The following STIMATE variants were observed in gnomAD, a reference collection of about 807,000 sequenced individuals.
STIMATE encodes the protein STIM activating enhancer.
A neutral mutation model predicts 36.7 loss-of-function variants in STIMATE; 15 were observed. The observed-to-expected ratio is 0.41, with a 90% CI of 0.27 to 0.63. The LOEUF is 0.63. Among genes scored for constraint, STIMATE ranks in the 20% least tolerant of loss-of-function variants. The probability of loss-of-function intolerance (pLI) is 0.32; values close to 1 mark genes in which losing one functional copy is unlikely to be tolerated. For synonymous variants in STIMATE, 163 were observed against 162.3 expected (o/e 1.00, Z -0.03); for missense variants, 305 against 397.3 (o/e 0.77, Z 1.98).
chr3:52,843,846 T>G (rs1578798437), intron 5 of STIMATE, 48 bp from the exon 6 acceptor site: 1 of 1,554,434 alleles, frequency 6.4e-7, no homozygotes, highest in Non-Finnish European at 8.8e-7. Context: ...CCACCGAGAG[T>G]GTGCCTGGGG....
chr3:52,854,979 C>T (rs1174428989), intron 2 of STIMATE, among the ~76,000 whole-genome samples: 3 of 152,168 alleles, frequency 2.0e-5, no homozygotes, highest in Non-Finnish European at 4.4e-5. Context: ...AAGAAAGACT[C>T]GTTTGGAGAG....
chr3:52,896,848 C>T (rs1409827073), intron 1 of STIMATE, among the ~76,000 whole-genome samples: 1 of 152,100 alleles, frequency 6.6e-6, no homozygotes, highest in African/African-American at 2.4e-5. Flanking sequence ...TAAATGTGAA[C>T]GGAGAAGGCA....
At chr3:52,860,126 TAAAA>T in intron 1 of STIMATE, among the ~76,000 whole-genome samples, 1 of 135,456 alleles carries the variant, frequency 7.4e-6, no homozygotes, top group African/African-American at 2.8e-5. Flanking sequence ...GTAAAGGGGG[TAAAA>T]AAAAAAAAAC....
At chr3:52,882,397 A>G (rs1011000895) in intron 1 of STIMATE, among the ~76,000 whole-genome samples, 5 of 152,200 alleles carry the variant, frequency 3.3e-5, no homozygotes, top group African/African-American at 1.2e-4. Context: ...GGGTGTGAAC[A>G]TCATGAGTGG....
At chr3:52,870,848 T>A (rs1701390742) in intron 1 of STIMATE, among the ~76,000 whole-genome samples, 1 of 152,050 alleles carries the variant, frequency 6.6e-6, no homozygotes. Flanking sequence ...AGTGCTGAGG[T>A]CAGGGGTCAC....
In STIMATE at chr3:52,857,647, G is replaced by C. The variant is rs555157867; in HGVS notation, c.161-2203C>G. On this transcript the variant is annotated intron_variant, in intron 1 of 7. Coordinates refer to ENST00000355083, the MANE Select transcript of STIMATE (RefSeq NM_198563.5). ...TGCAATTTACTTCTGAGTGGTTTGG[G>C]GGAATATATTATACATTATAATTAT... Among the ~76,000 whole-genome samples the C allele has an allele frequency of 1.3e-3, 192 of 151,706 alleles. 3 individuals carry two copies. The highest frequency in any genetic ancestry group is 4.5e-3 in the African/African-American group (186 of 41,352).
chr3:52,842,112 C>T (rs981266424), intron 7 of STIMATE, among the ~76,000 whole-genome samples: 6 of 152,264 alleles, frequency 3.9e-5, no homozygotes, highest in Non-Finnish European at 5.9e-5. Flanking sequence ...CTGCACCTCA[C>T]CCACGTGTCT....
At chr3:52,889,400 A>G (rs1425851002) in intron 1 of STIMATE, among the ~76,000 whole-genome samples, 1 of 152,164 alleles carries the variant, frequency 6.6e-6, no homozygotes, top group East Asian at 1.9e-4. Context: ...CCTTCTCCAC[A>G]TCTGTGTGGA....
intron 1 of STIMATE, among the ~76,000 whole-genome samples, chr3:52,856,105 G>C (rs1445990653): frequency 2.0e-5 from 3 of 152,228 alleles, no homozygotes; most frequent in African/African-American, 7.2e-5. Flanking sequence ...GGATCAGGGA[G>C]GGGAGAAAAG....
intron 2 of STIMATE, 38 bp from the exon 3 acceptor site, chr3:52,852,736 A>G: frequency 6.2e-7 from 1 of 1,607,430 alleles, no homozygotes; most frequent in Non-Finnish European, 8.5e-7. Context: ...TTAGCCTGAC[A>G]GGAGCGCAAT....
At chr3:52,893,912 C>G (rs1261769802) in intron 1 of STIMATE, among the ~76,000 whole-genome samples, 1 of 152,160 alleles carries the variant, frequency 6.6e-6, no homozygotes, top group African/African-American at 2.4e-5. Context: ...GCAAACACCC[C>G]CAAATGCCAA....
intron 1 of STIMATE, among the ~76,000 whole-genome samples, chr3:52,877,888 G>A (rs1701528409): frequency 6.6e-6 from 1 of 152,184 alleles, no homozygotes; most frequent in Non-Finnish European, 1.5e-5. Context: ...GAGGTCAGGA[G>A]ATCGAGACCA....
intron 1 of STIMATE, among the ~76,000 whole-genome samples, chr3:52,887,323 A>T (rs1482398337): frequency 6.6e-6 from 1 of 152,212 alleles, no homozygotes; most frequent in Admixed American, 6.5e-5. Flanking sequence ...CTGGAGGAGC[A>T]TTTCGCCATA....
intron 1 of STIMATE, among the ~76,000 whole-genome samples, chr3:52,857,309 C>T (rs540649293): frequency 6.6e-6 from 1 of 152,146 alleles, no homozygotes; most frequent in African/African-American, 2.4e-5. Context: ...ACCTCAACAA[C>T]GCCAGAGAAT....
Position 52,897,432 on chromosome 3 carries a change from T to C in STIMATE, c.19A>G (p.Asn7Asp). 1 of 1,437,696 alleles carries C rather than the reference T, an allele frequency of 7.0e-7. No individual in the cohort carries two copies. Among genetic ancestry groups the C allele is most frequent in the Admixed American group, 2.7e-5 (1 of 37,136 alleles). The allele number at this position is 1,437,696 out of a possible 1,614,324, so 89.1% of individuals were successfully genotyped here. A position where few individuals can be genotyped will look rare whatever the true frequency, so the allele number is the denominator to read the frequency against. The change falls in exon 1 of 8, where the codon AAC (asparagine) becomes GAC (aspartate). Residue 7 changes from asparagine (N) to aspartate (D), a missense_variant. Physicochemically the swap from Asn to Asp is conservative, Grantham distance 23 (BLOSUM62 1). Transcript: ENST00000355083. Reference sequence around the variant, plus strand: ...CCGCCTGGCAGTCCCCGGCTCGCGTTCCCGGCGGGGCCCTGCATGACAGGC... The same window carrying C: ...CCGCCTGGCAGTCCCCGGCTCGCGTCCCCGGCGGGGCCCTGCATGACAGGC... MQGPAG[N>D]ASRGLPGGPP...
intron 1 of STIMATE, among the ~76,000 whole-genome samples, chr3:52,867,788 T>G (rs1575338846): frequency 6.6e-6 from 1 of 152,114 alleles, no homozygotes; most frequent in Admixed American, 6.5e-5. Flanking sequence ...TCCAACCCCC[T>G]CCAGGGTAGG....
chr3:52,881,295 A>G (rs1023878796), intron 1 of STIMATE, among the ~76,000 whole-genome samples: 15 of 151,536 alleles, frequency 9.9e-5, no homozygotes, highest in Admixed American at 1.3e-4. Flanking sequence ...GAAAATGTGG[A>G]AAAAAAAAGA....
At position 52,844,891 on chromosome 3, in the gene STIMATE, C is replaced by A; in HGVS notation, c.478G>T (p.Val160Leu). The A allele has an allele frequency of 6.2e-7, 1 of 1,614,050 alleles. No homozygotes were observed. Among genetic ancestry groups the A allele is most frequent in the Non-Finnish European group, 8.5e-7 (1 of 1,179,992 alleles). The change falls in exon 5 of 8, where the codon GTG (valine) becomes TTG (leucine). Residue 160 changes from valine (V) to leucine (L), a missense_variant. Val to Leu is a conservative substitution (Grantham distance 32). Around this residue, in one of 3 missense-constraint regions of STIMATE, gnomAD observed 164 missense variants for 257.9 expected, o/e 0.64. Transcript: ENST00000355083. Reference protein sequence around the residue: ...AWVGQCALYIVIMIFEKSVVF... With the variant: ...AWVGQCALYILIMIFEKSVVF... The stretch of plus-strand genomic sequence containing the variant: ...ACAGACTTTTCAAAAATCATGATCA[C>A]GATGTAAAGAGCGCACTGCCCGACC...
chr3:52,865,282 C>T (rs575152063), intron 1 of STIMATE, among the ~76,000 whole-genome samples: 2 of 152,258 alleles, frequency 1.3e-5, no homozygotes, highest in African/African-American at 4.8e-5. Context: ...CAAACTTTCC[C>T]ACATTTTCCT....
Sources: gnomAD v4.1 joint callset for allele counts (sites outside exome capture counted in the v4.1 genomes callset) on GRCh38, gnomAD v4.1.1 for gene constraint, gnomAD v4.1.1 regional missense constraint, MANE v1.5 for transcripts, NCBI Gene and HGNC (gene_info 2026-07-23, HGNC 2026-07-21) for gene names.